Variants in LRRC4C observed in about 807,000 individuals in gnomAD.
The protein encoded by LRRC4C is leucine-rich repeat-containing protein 4C.
A neutral mutation model predicts 33.6 loss-of-function variants in LRRC4C; 5 were observed. That is an observed-to-expected ratio of 0.15 (90% CI 0.08 to 0.31). The LOEUF is 0.31. LRRC4C is among the 10% of genes least tolerant of loss of function. The probability of loss-of-function intolerance (pLI) is 1.00; values close to 1 mark genes in which losing one functional copy is unlikely to be tolerated. For missense variants in LRRC4C, 560 were observed against 796.7 expected, an observed-to-expected ratio of 0.70 and a Z score of 3.58; for synonymous variants, 329 against 302.0, an observed-to-expected ratio of 1.09 and a Z score of -0.93.
At chr11:41,326,491 C>T (rs1951122365) in intron 1 of LRRC4C, among the ~76,000 whole-genome samples, 1 of 152,122 alleles carries the variant, frequency 6.6e-6, no homozygotes, top group Non-Finnish European at 1.5e-5. Flanking sequence ...ATACATCTAT[C>T]CTATTAGTCT....
chr11:40,582,972 C>A (rs1958543604), intron 3 of LRRC4C, among the ~76,000 whole-genome samples: 1 of 152,112 alleles, frequency 6.6e-6, no homozygotes, highest in African/African-American at 2.4e-5. Flanking sequence ...TAATATTTCA[C>A]ATCTTTTCTC....
chr11:40,905,300 C>A (rs1956370248), intron 2 of LRRC4C, among the ~76,000 whole-genome samples: 1 of 151,992 alleles, frequency 6.6e-6, no homozygotes, highest in African/African-American at 2.4e-5. Context: ...CTCTTCTCTC[C>A]ACTCCCAGTT....
intron 3 of LRRC4C, among the ~76,000 whole-genome samples, chr11:40,358,095 A>C (rs973199785): frequency 5.3e-5 from 8 of 151,864 alleles, no homozygotes; most frequent in African/African-American, 1.7e-4. Flanking sequence ...AGTCAGGAGA[A>C]TTGTTTGAAC....
intron 1 of LRRC4C, among the ~76,000 whole-genome samples, chr11:41,239,739 G>A (rs1364345935): frequency 6.6e-6 from 1 of 152,092 alleles, no homozygotes; most frequent in Non-Finnish European, 1.5e-5. Context: ...TGAGTTCCAA[G>A]GTCAGGGATT....
chr11:40,451,843 C>T (rs768403410), intron 3 of LRRC4C, among the ~76,000 whole-genome samples: 1 of 152,154 alleles, frequency 6.6e-6, no homozygotes, highest in Non-Finnish European at 1.5e-5. Flanking sequence ...CAACTCCAGT[C>T]TATAGCTCCC....
At chr11:41,318,313 A>T (rs77456359) in intron 1 of LRRC4C, among the ~76,000 whole-genome samples, 2,701 of 152,268 alleles carry the variant, frequency 0.018, 78 homozygotes, top group African/African-American at 0.062. Flanking sequence ...TTTATCTACA[A>T]TGTAAAAGTT....
intron 4 of LRRC4C, among the ~76,000 whole-genome samples, chr11:40,243,125 A>G (rs1866049307): frequency 6.6e-6 from 1 of 152,228 alleles, no homozygotes; most frequent in East Asian, 1.9e-4. Flanking sequence ...GGCTTCTGGA[A>G]TAACAGGACC....
At chr11:40,238,879 A>G (rs1865747092) in intron 5 of LRRC4C, among the ~76,000 whole-genome samples, 1 of 152,184 alleles carries the variant, frequency 6.6e-6, no homozygotes, top group Admixed American at 6.5e-5. Context: ...AACTAGGCCC[A>G]GTAGAAAAAT....
At chr11:40,975,273 G>A (rs914651376) in intron 1 of LRRC4C, among the ~76,000 whole-genome samples, 3 of 152,150 alleles carry the variant, frequency 2.0e-5, no homozygotes, top group Admixed American at 6.5e-5. Context: ...CAAGGAACAC[G>A]TAATTGGCCA....
At chr11:41,101,951 G>A (rs983082175) in intron 1 of LRRC4C, among the ~76,000 whole-genome samples, 1 of 151,954 alleles carries the variant, frequency 6.6e-6, no homozygotes, top group Admixed American at 6.6e-5. Context: ...ATGACACAAA[G>A]AGGAAAGCAA....
At chr11:40,781,425 C>A (rs1271893010) in intron 2 of LRRC4C, among the ~76,000 whole-genome samples, 1 of 152,100 alleles carries the variant, frequency 6.6e-6, no homozygotes, top group Non-Finnish European at 1.5e-5. Flanking sequence ...AATCCCAAGG[C>A]TTCACTTTAG....
At position 41,253,299 on chromosome 11, in the gene LRRC4C, T is replaced by A. The variant is rs189381340; in HGVS notation, c.-496+206132A>T. 2.1e-4 allele frequency among the ~76,000 whole-genome samples: 32 copies of A among 152,264 alleles called. 2 individuals are homozygous for A. In the East Asian group the frequency reaches 2.9e-3, roughly 14 times the overall value. ...AATTCTCTTGGCTAATTCTTTTCAC[T>A]TTCTTTAATTATCTTTCCCACTAAA... On this transcript the variant is annotated intron_variant, in intron 1 of 6. Transcript: ENST00000528697.
chr11:40,300,325 A>G (rs1359291151), intron 4 of LRRC4C, among the ~76,000 whole-genome samples: 1 of 152,208 alleles, frequency 6.6e-6, no homozygotes, highest in Non-Finnish European at 1.5e-5. Flanking sequence ...AGAAACGCTA[A>G]TGTGTTCAAG....
intron 1 of LRRC4C, among the ~76,000 whole-genome samples, chr11:41,310,746 C>G (rs1302548786): frequency 6.6e-6 from 1 of 151,958 alleles, no homozygotes; most frequent in Non-Finnish European, 1.5e-5. Flanking sequence ...AAGAAAGCCA[C>G]AATAAAAAAA....
At chr11:40,709,862 T>G in intron 2 of LRRC4C, among the ~76,000 whole-genome samples, 1 of 152,306 alleles carries the variant, frequency 6.6e-6, no homozygotes, top group Non-Finnish European at 1.5e-5. Context: ...CATAGTCCCA[T>G]ATTTCTTGGA....
intron 1 of LRRC4C, among the ~76,000 whole-genome samples, chr11:41,086,042 C>T (rs1939963886): frequency 1.3e-5 from 2 of 151,720 alleles, no homozygotes; most frequent in Admixed American, 1.3e-4. Context: ...CCAAAAGTCC[C>T]ATTTTTCTCC....
chr11:40,721,338 A>G (rs1947003999), intron 2 of LRRC4C, among the ~76,000 whole-genome samples: 2 of 152,206 alleles, frequency 1.3e-5, no homozygotes, highest in South Asian at 4.1e-4. Flanking sequence ...TAACACAGCC[A>G]TTGCAAACTT....
At chr11:40,530,527 A>C (rs1956231047) in intron 3 of LRRC4C, among the ~76,000 whole-genome samples, 1 of 152,184 alleles carries the variant, frequency 6.6e-6, no homozygotes, top group South Asian at 2.1e-4. Flanking sequence ...TGTGCAAAGC[A>C]CTTAGCACAG....
At chr11:40,546,967 C>T (rs1337001578) in intron 3 of LRRC4C, among the ~76,000 whole-genome samples, 1 of 152,136 alleles carries the variant, frequency 6.6e-6, no homozygotes, top group Admixed American at 6.6e-5. Flanking sequence ...CACACCTAGC[C>T]TTGGCAGTAC....
Sources: gnomAD v4.1 joint callset for allele counts (sites outside exome capture counted in the v4.1 genomes callset) on GRCh38, gnomAD v4.1.1 for gene constraint, MANE v1.5 for transcripts, NCBI Gene and HGNC (gene_info 2026-07-23, HGNC 2026-07-21) for gene names.